The following FGF12 variants were observed in gnomAD, a reference collection of about 807,000 sequenced individuals.
FGF12 encodes the protein fibroblast growth factor 12B.
FGF12 carries 14 observed loss-of-function variants against 23.6 expected under a neutral mutation model. The observed-to-expected ratio is 0.59, with a 90% CI of 0.39 to 0.93. The LOEUF (loss-of-function observed/expected upper bound fraction) is 0.93, where lower values mean the gene tolerates loss of function less well. Ranked by LOEUF, FGF12 falls within the 40% of genes least tolerant of loss-of-function variation. The probability of loss-of-function intolerance (pLI) is 0.00; values close to 1 mark genes in which losing one functional copy is unlikely to be tolerated. For missense variants in FGF12, 175 were observed against 217.8 expected (o/e 0.80, Z 1.24); for synonymous variants, 62 against 77.3 (o/e 0.80, Z 1.04).
At chr3:192,496,240 C>T (rs1378237450) in intron 2 of FGF12, among the ~76,000 whole-genome samples, 1 of 151,952 alleles carries the variant, frequency 6.6e-6, no homozygotes, top group Non-Finnish European at 1.5e-5. Context: ...TCTTACATTG[C>T]TTAAAACAAA....
intron 4 of FGF12, among the ~76,000 whole-genome samples, chr3:192,302,412 C>T (rs1715397702): frequency 1.3e-5 from 2 of 152,128 alleles, no homozygotes; most frequent in African/African-American, 2.4e-5. Context: ...TGGGATTTCT[C>T]CCCCTTTTAA....
intron 4 of FGF12, among the ~76,000 whole-genome samples, chr3:192,308,563 G>A (rs987683602): frequency 3.3e-5 from 5 of 151,518 alleles, no homozygotes; most frequent in East Asian, 1.9e-4. Context: ...GCCTCTAATC[G>A]CAGCTACTCA....
intron 4 of FGF12, among the ~76,000 whole-genome samples, chr3:192,239,014 T>C (rs576265450): frequency 6.6e-6 from 1 of 152,340 alleles, no homozygotes; most frequent in African/African-American, 2.4e-5. Context: ...TTTAGTGTAA[T>C]ACAGGTTAAC....
chr3:192,654,983 A>G (rs1503595), intron 2 of FGF12, among the ~76,000 whole-genome samples: 81,813 of 152,030 alleles, frequency 0.54, 22,441 homozygotes, highest in East Asian at 0.67. Context: ...TCCTTGGAGC[A>G]ATGATAAAGA....
rs56933017 is a variant in FGF12, at chr3:192,141,128, C to CAAAAAAAA, written c.*2873_*2880dup. ...CCTGGGAAAAATCCCAATGCAACTC[C>CAAAAAAAA]AAAAAAAAAAAAAAAAAAAAAAAAA... On this transcript the variant is annotated 3_prime_UTR_variant, in exon 6 of 6. Transcript: ENST00000445105. 2.4e-5 allele frequency: 1 copy of CAAAAAAAA among 41,220 alleles called. No homozygotes were observed. The highest frequency in any genetic ancestry group is 1.0e-4 in the African/African-American group (1 of 9,828). The allele number at this position is 41,220 out of a possible 1,614,324, so 2.6% of individuals were successfully genotyped here.
intron 2 of FGF12, among the ~76,000 whole-genome samples, chr3:192,508,164 T>G (rs551419998): frequency 1.3e-5 from 2 of 152,332 alleles, no homozygotes; most frequent in East Asian, 3.9e-4. Flanking sequence ...ATCGTTTCTA[T>G]AAACAGTAAT....
chr3:192,576,235 C>T (rs1041812130), intron 2 of FGF12, among the ~76,000 whole-genome samples: 6 of 152,166 alleles, frequency 3.9e-5, no homozygotes, highest in Non-Finnish European at 7.3e-5. Context: ...AACCATCTCT[C>T]ACTTTATAAT....
At chr3:192,545,936 T>C (rs758363165) in intron 2 of FGF12, among the ~76,000 whole-genome samples, 3 of 152,192 alleles carry the variant, frequency 2.0e-5, no homozygotes, top group Non-Finnish European at 4.4e-5. Context: ...ATCTGACTGA[T>C]TAAAGGCATA....
chr3:192,323,748 T>TAC (rs1560069428), intron 4 of FGF12, among the ~76,000 whole-genome samples: 1 of 152,206 alleles, frequency 6.6e-6, no homozygotes, highest in Non-Finnish European at 1.5e-5. Flanking sequence ...AGGTAATGGA[T>TAC]ACTTCATTTA....
intron 2 of FGF12, among the ~76,000 whole-genome samples, chr3:192,485,974 C>A (rs73195324): frequency 6.6e-6 from 1 of 152,026 alleles, no homozygotes; most frequent in Non-Finnish European, 1.5e-5. Flanking sequence ...ATGCCATATA[C>A]GTGCATATAT....
intron 2 of FGF12, among the ~76,000 whole-genome samples, chr3:192,461,670 G>T (rs1042566755): frequency 1.3e-5 from 2 of 152,126 alleles, no homozygotes; most frequent in Non-Finnish European, 2.9e-5. Context: ...GTAAGCAGAA[G>T]TGTGGGGAAG....
chr3:192,675,849 G>A (rs1354354979), intron 2 of FGF12, among the ~76,000 whole-genome samples: 2 of 152,134 alleles, frequency 1.3e-5, no homozygotes, highest in Non-Finnish European at 2.9e-5. Context: ...GGAAACAACC[G>A]AGGTCTGCAC....
At chr3:192,256,508 T>C (rs2108612710) in intron 4 of FGF12, among the ~76,000 whole-genome samples, 1 of 151,920 alleles carries the variant, frequency 6.6e-6, no homozygotes, top group South Asian at 2.1e-4. Flanking sequence ...AATATGCGGG[T>C]TTACTTTCTT....
At chr3:192,667,459 A>C (rs538470894) in intron 2 of FGF12, among the ~76,000 whole-genome samples, 1 of 151,736 alleles carries the variant, frequency 6.6e-6, no homozygotes, top group South Asian at 2.1e-4. Context: ...CAAAAAAAAA[A>C]CTTAGCCAGG....
At chr3:192,401,353 A>G (rs1162919445) in intron 2 of FGF12, among the ~76,000 whole-genome samples, 1 of 152,236 alleles carries the variant, frequency 6.6e-6, no homozygotes, top group African/African-American at 2.4e-5. Flanking sequence ...TTTACAGATG[A>G]TTGTGGATAT....
intron 2 of FGF12, among the ~76,000 whole-genome samples, chr3:192,711,506 A>G (rs1455150094): frequency 6.6e-6 from 1 of 152,166 alleles, no homozygotes; most frequent in Non-Finnish European, 1.5e-5. Flanking sequence ...CGAATAGAAA[A>G]GGGGGAAATG....
intron 2 of FGF12, among the ~76,000 whole-genome samples, chr3:192,523,292 G>A (rs1199761964): frequency 2.0e-5 from 3 of 152,142 alleles, no homozygotes; most frequent in Non-Finnish European, 4.4e-5. Flanking sequence ...TTCAAGTATT[G>A]ATGATCATTA....
rs370317111 is a variant in FGF12 at position 192,537,950 on chromosome 3, C to CTTTTTTTTTTTTTTTTTTTTT, written c.14-177413_14-177412insAAAAAAAAAAAAAAAAAAAAA. Among the ~76,000 whole-genome samples, 150 of 121,324 alleles carry CTTTTTTTTTTTTTTTTTTTTT rather than the reference C, an allele frequency of 1.2e-3. 4 individuals are homozygous for CTTTTTTTTTTTTTTTTTTTTT. The highest frequency in any genetic ancestry group is 1.7e-3 in the Non-Finnish European group (96 of 56,656). 79.6% of individuals were successfully genotyped at this position (121,324 alleles called of 152,430 possible). Reference sequence around the variant, plus strand: ...AAGGTCTTAGATTTAAGCCTTTAACCTTTTTTTTTTTTTGAGATGGAGTTT... The same window carrying CTTTTTTTTTTTTTTTTTTTTT: ...AAGGTCTTAGATTTAAGCCTTTAACCTTTTTTTTTTTTTTTTTTTTTTTTTTTTTTTTTTGAGATGGAGTTT... On this transcript the variant is annotated intron_variant, in intron 2 of 5. Transcript: ENST00000445105.
At chr3:192,156,624 G>T (rs1235858828) in intron 5 of FGF12, among the ~76,000 whole-genome samples, 1 of 152,066 alleles carries the variant, frequency 6.6e-6, no homozygotes, top group African/African-American at 2.4e-5. Context: ...CTTTCATCTG[G>T]CTTTTCTGGG....
Sources: gnomAD v4.1 joint callset for allele counts (sites outside exome capture counted in the v4.1 genomes callset) on GRCh38, gnomAD v4.1.1 for gene constraint, MANE v1.5 for transcripts, NCBI Gene and HGNC (gene_info 2026-07-23, HGNC 2026-07-21) for gene names.